SMN1: variants seen among roughly 807,000 people sequenced by gnomAD.
SMN1 encodes the protein survival of motor neuron 1, telomeric.
For missense variants in SMN1, 15 were observed against 17.1 expected, an observed-to-expected ratio of 0.88 and a Z score of 0.22; for synonymous variants, 3 against 5.1, an observed-to-expected ratio of 0.58 and a Z score of 0.56.
At chr5:70,958,673 G>A (rs1259096381), downstream of SMN1, among the ~76,000 whole-genome samples, 1 of 124,164 alleles carries the variant, frequency 8.1e-6, no homozygotes, top group Non-Finnish European at 1.7e-5. Flanking sequence ...ACTGTGGTCT[G>A]AGAGACAGTT....
At chr5:70,950,573 C>A (rs1404244377) in intron 7 of SMN1, among the ~76,000 whole-genome samples, 1 of 145,712 alleles carries the variant, frequency 6.9e-6, no homozygotes, top group African/African-American at 2.5e-5. Flanking sequence ...CCTGCCTCAG[C>A]TTCCCGAGTA....
downstream of SMN1, among the ~76,000 whole-genome samples, chr5:70,955,485 A>G (rs1223784482): frequency 2.6e-4 from 37 of 142,404 alleles, no homozygotes; most frequent in African/African-American, 9.7e-4. Context: ...TTTTTAAAAA[A>G]CATGTAATTA....
chr5:70,945,541 CT>C (rs1749534914), intron 6 of SMN1, among the ~76,000 whole-genome samples: 1 of 98,772 alleles, frequency 1.0e-5, no homozygotes, highest in Admixed American at 1.1e-4. Flanking sequence ...AAGACATTTA[CT>C]TAAAATCGCC....
intron 7 of SMN1, among the ~76,000 whole-genome samples, chr5:70,950,093 C>T (rs1489321683): frequency 6.9e-5 from 10 of 144,240 alleles, no homozygotes; most frequent in Admixed American, 2.9e-4. Flanking sequence ...AAGGTATAAG[C>T]GGGCTCAGGA....
At chr5:70,950,935 G>A (rs1183258462) in intron 7 of SMN1, among the ~76,000 whole-genome samples, 2 of 151,464 alleles carry the variant, frequency 1.3e-5, no homozygotes, top group Admixed American at 1.3e-4. Context: ...CACTGTGCCC[G>A]GCCTAGTCTT....
downstream of SMN1, among the ~76,000 whole-genome samples, chr5:70,955,358 G>A (rs1193150682): frequency 3.5e-5 from 5 of 142,898 alleles, no homozygotes; most frequent in South Asian, 2.3e-4. Flanking sequence ...CTCCCACCTC[G>A]GGCTCCCAAA....
chr5:70,955,734 A>G (rs569221554), downstream of SMN1, among the ~76,000 whole-genome samples: 3 of 148,536 alleles, frequency 2.0e-5, no homozygotes, highest in East Asian at 5.9e-4. Context: ...GCAGTGAGCC[A>G]AGATCATGCC....
At chr5:70,951,369 G>A (rs1383010732) in intron 7 of SMN1, among the ~76,000 whole-genome samples, 1 of 151,878 alleles carries the variant, frequency 6.6e-6, no homozygotes, top group Non-Finnish European at 1.5e-5. Context: ...CGCCTCCTGG[G>A]TTCAAGTGAT....
downstream of SMN1, among the ~76,000 whole-genome samples, chr5:70,958,788 C>G (rs939648680): frequency 6.7e-6 from 1 of 149,154 alleles, no homozygotes; most frequent in African/African-American, 2.5e-5. Context: ...AATGTATATT[C>G]TGTTGATGTG....
chr5:70,959,266 G>T, the SMN1 span, among the ~76,000 whole-genome samples: 16 of 149,914 alleles, frequency 1.1e-4, no homozygotes, highest in Non-Finnish European at 2.4e-4. Context: ...TGGGGTGGGG[G>T]GAATGGGGAG....
At chr5:70,952,245 A>T in intron 8 of SMN1, 194 bp from the exon 9 acceptor site, 1 of 1,476,008 alleles carries the variant, frequency 6.8e-7, no homozygotes, top group Non-Finnish European at 9.0e-7. Context: ...AAAGAGCTTT[A>T]GGATATGATG....
chr5:70,958,826 A>G (rs1220436371), downstream of SMN1, among the ~76,000 whole-genome samples: 1 of 150,324 alleles, frequency 6.7e-6, no homozygotes. Flanking sequence ...AACTGGTTCA[A>G]CCATTGTGGA....
downstream of SMN1, among the ~76,000 whole-genome samples, chr5:70,957,544 C>CAGGG (rs1749934743): frequency 6.7e-6 from 1 of 149,080 alleles, no homozygotes; most frequent in African/African-American, 2.5e-5. Flanking sequence ...TGAATTTTGT[C>CAGGG]AAAGGCCTTT....
chr5:70,927,846 G>A (rs1749352426), intron 1 of SMN1, among the ~76,000 whole-genome samples: 1 of 1,444 alleles, frequency 6.9e-4, no homozygotes, highest in Non-Finnish European at 1.0e-3. Flanking sequence ...TATAATCCCA[G>A]CTACTCGGGA....
chr5:70,959,252 G>A, the SMN1 span, among the ~76,000 whole-genome samples: 2 of 148,890 alleles, frequency 1.3e-5, no homozygotes, highest in East Asian at 4.0e-4. Flanking sequence ...TCTGGGGACT[G>A]TTGTGGGGTG....
downstream of SMN1, among the ~76,000 whole-genome samples, chr5:70,957,578 G>A (rs1196543751): frequency 6.8e-6 from 1 of 146,414 alleles, no homozygotes; most frequent in African/African-American, 2.5e-5. Flanking sequence ...AGATAATCAT[G>A]TGGTTTTTGT....
chr5:70,943,866 G>C (rs1396339032), intron 5 of SMN1, among the ~76,000 whole-genome samples: 1 of 140,320 alleles, frequency 7.1e-6, no homozygotes, highest in African/African-American at 2.5e-5. Context: ...TCAGCTCACT[G>C]CAACTTCCAC....
chr5:70,954,717 G>A (rs1749853794), downstream of SMN1, among the ~76,000 whole-genome samples: 1 of 52,060 alleles, frequency 1.9e-5, no homozygotes, highest in Non-Finnish European at 4.6e-5. Context: ...GCCCGGCATG[G>A]TGGCACGCGC....
chr5:70,959,549 A>G, the SMN1 span, among the ~76,000 whole-genome samples: 1,167 of 101,906 alleles, frequency 0.011, 3 homozygotes, highest in African/African-American at 0.036. Context: ...ATTTGTTTCT[A>G]ATCATTTGTT....
Sources: allele counts gnomAD v4.1 joint callset (sites outside exome capture counted in the v4.1 genomes callset), GRCh38; gene constraint gnomAD v4.1.1; transcripts MANE v1.5; gene names NCBI Gene and HGNC (gene_info 2026-07-23, HGNC 2026-07-21).